The following ADGRG7 variants were observed in gnomAD, a reference collection of about 807,000 sequenced individuals.
ADGRG7 encodes G-protein coupled receptor 128.
Under a neutral mutation model 88.6 loss-of-function variants are expected in ADGRG7, and 82 were observed. The ratio of observed to expected loss-of-function variants is 0.93; its 90% CI spans 0.77 to 1.11. The LOEUF (loss-of-function observed/expected upper bound fraction) is 1.11. ADGRG7 is among the 50% of genes most tolerant of loss of function. The pLI, the probability that ADGRG7 is intolerant of heterozygous loss-of-function variation, is 0.00. For missense variants in ADGRG7, 945 were observed against 953.4 expected, an observed-to-expected ratio of 0.99 and a Z score of 0.12; for synonymous variants, 381 against 345.2, an observed-to-expected ratio of 1.10 and a Z score of -1.15.
intron 15 of ADGRG7, among the ~76,000 whole-genome samples, chr3:100,690,925 G>T (rs13064241): frequency 0.26 from 39,202 of 152,132 alleles, 5,659 homozygotes; most frequent in East Asian, 0.53. Context: ...GTCTGCAGAG[G>T]TTACTGCTGC....
chr3:100,616,269 T>A (rs1028781563), intron 1 of ADGRG7, among the ~76,000 whole-genome samples: 1 of 152,074 alleles, frequency 6.6e-6, no homozygotes, highest in Admixed American at 6.6e-5. Context: ...CGAACCATGA[T>A]GCTGGAGAGA....
At chr3:100,612,953 G>A (rs1461898406) in intron 1 of ADGRG7, among the ~76,000 whole-genome samples, 1 of 152,158 alleles carries the variant, frequency 6.6e-6, no homozygotes, top group Non-Finnish European at 1.5e-5. Flanking sequence ...GTGGTGGCAT[G>A]ATCTCGGCTC....
At chr3:100,664,460 C>T (rs879372263) in intron 14 of ADGRG7, among the ~76,000 whole-genome samples, 4 of 152,052 alleles carry the variant, frequency 2.6e-5, no homozygotes, top group Non-Finnish European at 5.9e-5. Context: ...TCTAACTCCC[C>T]AACCTTAAAA....
intron 15 of ADGRG7, among the ~76,000 whole-genome samples, chr3:100,680,369 A>T (rs1192489637): frequency 6.6e-6 from 1 of 152,156 alleles, no homozygotes; most frequent in Non-Finnish European, 1.5e-5. Flanking sequence ...AGTGTGTATC[A>T]TGTAGACAGC....
intron 6 of ADGRG7, among the ~76,000 whole-genome samples, chr3:100,641,627 A>G (rs1274497573): frequency 6.6e-6 from 1 of 152,272 alleles, no homozygotes; most frequent in African/African-American, 2.4e-5. Flanking sequence ...TTCAGTCTCC[A>G]GGGCTTAACT....
At chr3:100,641,894 CA>C (rs911036342) in intron 6 of ADGRG7, among the ~76,000 whole-genome samples, 33 of 151,806 alleles carry the variant, frequency 2.2e-4, no homozygotes, top group Non-Finnish European at 3.1e-4. Context: ...CAGCACTAAT[CA>C]AAAAAAACCC....
chr3:100,635,325 T>C (rs181776979), intron 4 of ADGRG7, among the ~76,000 whole-genome samples: 1 of 152,214 alleles, frequency 6.6e-6, no homozygotes, highest in African/African-American at 2.4e-5. Flanking sequence ...AAAAAATTGC[T>C]ATATACATCT....
chr3:100,650,971 C>T (rs1419746905), intron 11 of ADGRG7, among the ~76,000 whole-genome samples: 2 of 152,212 alleles, frequency 1.3e-5, no homozygotes, highest in South Asian at 2.1e-4. Context: ...TGCCACGTCT[C>T]AGTCTTTAGT....
At chr3:100,659,346 A>G (rs2094941950) in intron 13 of ADGRG7, among the ~76,000 whole-genome samples, 1 of 144,570 alleles carries the variant, frequency 6.9e-6, no homozygotes, top group Admixed American at 7.2e-5. Flanking sequence ...AGGCTGAGGC[A>G]GGAGAATGGT....
intron 15 of ADGRG7, among the ~76,000 whole-genome samples, chr3:100,675,047 T>G (rs2094963311): frequency 6.6e-6 from 1 of 152,204 alleles, no homozygotes; most frequent in South Asian, 2.1e-4. Flanking sequence ...CAAACGAGGA[T>G]AATTTGATTT....
In ADGRG7 at chr3:100,633,248, A is replaced by G. The variant is rs1707480491; in HGVS notation, c.335-17A>G. 1.6e-6 allele frequency: 2 copies of G among 1,274,584 alleles called. No individual in the cohort carries two copies. Among genetic ancestry groups the G allele is most frequent in the Non-Finnish European group, 2.1e-6 (2 of 966,018 alleles). 79.0% of individuals were successfully genotyped at this position (1,274,584 alleles called of 1,614,324 possible). On this transcript the variant is annotated splice_polypyrimidine_tract_variant and intron_variant, in intron 3 of 15. Coordinates refer to ENST00000273352, the MANE Select transcript of ADGRG7 (RefSeq NM_032787.3). ...AATAAATACTTATTTTTAATAAAAA[A>G]TTTCTTTGTATTAAAGCGGGCAATC... is the stretch of plus-strand genomic sequence containing the variant.
At chr3:100,694,617 A>G in intron 15 of ADGRG7, 127 bp from the exon 16 acceptor site, 2 of 873,044 alleles carry the variant, frequency 2.3e-6, no homozygotes, top group South Asian at 1.8e-5. Flanking sequence ...GCAGCTGCAC[A>G]CTGGCAAATT....
rs763975959 is a variant in ADGRG7, at chr3:100,629,668, A to C, written c.186A>C (p.Arg62Ser). ...CRNGGTWENG[R>S]CICTEEWKGL... ...ATGGTGGAACCTGGGAAAATGGCAG[A>C]TGTATTTGTACAGAAGAGTGGAAAG... Residue 62 changes from arginine to serine, a missense_variant, in exon 2 of 16, where the codon AGA becomes AGC. By Grantham distance (110) the Arg-to-Ser change is moderately radical. Transcript: ENST00000273352. 6.2e-7 allele frequency: 1 copy of C among 1,613,328 alleles called. No homozygotes were observed. The highest frequency in any genetic ancestry group is 8.5e-7 in the Non-Finnish European group (1 of 1,179,400).
intron 15 of ADGRG7, among the ~76,000 whole-genome samples, chr3:100,669,412 A>G (rs1389871035): frequency 6.6e-6 from 1 of 151,664 alleles, no homozygotes; most frequent in Admixed American, 6.6e-5. Flanking sequence ...TCCTACTGTA[A>G]TCTCCTCCTG....
At chr3:100,659,480 G>A (rs543894741) in intron 13 of ADGRG7, among the ~76,000 whole-genome samples, 3 of 146,186 alleles carry the variant, frequency 2.1e-5, no homozygotes, top group Non-Finnish European at 3.0e-5. Context: ...ATCAATAGGA[G>A]ACAGTTTAAA....
At chr3:100,686,813 G>A (rs568381307) in intron 15 of ADGRG7, among the ~76,000 whole-genome samples, 1 of 152,306 alleles carries the variant, frequency 6.6e-6, no homozygotes, top group East Asian at 1.9e-4. Context: ...GTAGCATGAT[G>A]CCTCCAGCTT....
At chr3:100,657,332 C>T (rs1001432116) in intron 13 of ADGRG7, among the ~76,000 whole-genome samples, 2 of 152,176 alleles carry the variant, frequency 1.3e-5, no homozygotes, top group Non-Finnish European at 2.9e-5. Context: ...CTGAGTTATT[C>T]TCCTAGCAGT....
chr3:100,685,458 T>C (rs1414196587), intron 15 of ADGRG7, among the ~76,000 whole-genome samples: 2 of 152,150 alleles, frequency 1.3e-5, no homozygotes, highest in African/African-American at 2.4e-5. Context: ...ATGTGCCATG[T>C]TGGTGTGCTG....
chr3:100,651,415 G>C (rs561847231), intron 11 of ADGRG7, among the ~76,000 whole-genome samples: 9 of 152,302 alleles, frequency 5.9e-5, no homozygotes, highest in African/African-American at 2.2e-4. Context: ...ATGAGTCATA[G>C]TTGCTGCATA....
Sources: allele counts gnomAD v4.1 joint callset (sites outside exome capture counted in the v4.1 genomes callset), GRCh38; gene constraint gnomAD v4.1.1; transcripts MANE v1.5; gene names NCBI Gene and HGNC (gene_info 2026-07-23, HGNC 2026-07-21).